TP53BP1: variants seen among roughly 807,000 people sequenced by gnomAD.
The protein encoded by TP53BP1 is tumor protein p53 binding protein 1.
A neutral mutation model predicts 200.8 loss-of-function variants in TP53BP1; 61 were observed. That is an observed-to-expected ratio of 0.30 (90% confidence interval 0.25 to 0.38). The LOEUF is 0.38. Among genes scored for constraint, TP53BP1 ranks in the 10% least tolerant of loss-of-function variants. TP53BP1 has a pLI of 1.00. For missense variants in TP53BP1, 2,144 were observed against 2,371.9 expected (o/e 0.90, Z 2.00); for synonymous variants, 822 against 844.3 (o/e 0.97, Z 0.46).
intron 9 of TP53BP1, 77 bp from the exon 10 acceptor site, chr15:43,474,844 A>G: frequency 9.8e-7 from 1 of 1,017,804 alleles, no homozygotes; most frequent in Non-Finnish European, 1.5e-6. Context: ...TTTACTTTTT[A>G]ACAGGAAAAA....
At chr15:43,492,523 C>A in intron 1 of TP53BP1, 55 bp from the exon 2 acceptor site, 1 of 1,443,504 alleles carries the variant, frequency 6.9e-7, no homozygotes, top group South Asian at 1.2e-5. Flanking sequence ...CTTGCTCACG[C>A]AGTCTAAACC....
At chr15:43,498,367 G>A (rs2079192185) in intron 1 of TP53BP1, among the ~76,000 whole-genome samples, 1 of 152,102 alleles carries the variant, frequency 6.6e-6, no homozygotes, top group South Asian at 2.1e-4. Flanking sequence ...TACCAGTAAG[G>A]GAACAAAAAG....
chr15:43,474,042 C>T (rs1406924627), intron 10 of TP53BP1, among the ~76,000 whole-genome samples: 2 of 152,344 alleles, frequency 1.3e-5, no homozygotes, highest in East Asian at 1.9e-4. Flanking sequence ...AAGTAAGGCC[C>T]GGCGAGAAAT....
rs1432260457 is a variant in TP53BP1 at position 43,403,510 on chromosome 15, A to G, written c.*3873T>C. 2 of 575,570 alleles carry G rather than the reference A, an allele frequency of 3.5e-6. No homozygotes were observed. The highest frequency in any genetic ancestry group is 6.2e-6 in the Non-Finnish European group (2 of 320,382). 35.7% of individuals were successfully genotyped at this position (575,570 alleles called of 1,614,324 possible). ...AGGAAAGGATGCATTTGTTTTACGC[A>G]TTTTGTGCGTCTGAGGGGCTGGCAG... On this transcript the variant is annotated 3_prime_UTR_variant, in exon 28 of 28. Coordinates refer to ENST00000382044, the MANE Select transcript of TP53BP1 (RefSeq NM_001141980.3).
intron 21 of TP53BP1, among the ~76,000 whole-genome samples, chr15:43,418,346 A>G (rs2045316300): frequency 6.6e-6 from 1 of 150,998 alleles, no homozygotes; most frequent in South Asian, 2.1e-4. Flanking sequence ...AAAAACACAA[A>G]AAAAAATTAG....
At chr15:43,417,563 C>T (rs1437932748) in intron 21 of TP53BP1, among the ~76,000 whole-genome samples, 1 of 152,190 alleles carries the variant, frequency 6.6e-6, no homozygotes, top group Non-Finnish European at 1.5e-5. Context: ...AGCAAACAGC[C>T]TCAAGAAATG....
chr15:43,472,129 GCTGC>G (rs1218196408), intron 10 of TP53BP1, among the ~76,000 whole-genome samples: 13 of 152,220 alleles, frequency 8.5e-5, no homozygotes, highest in Admixed American at 1.3e-4. Context: ...TCTGGAGGCA[GCTGC>G]CTGAGTTCAA....
At chr15:43,475,792 A>G (rs1595605709) in intron 8 of TP53BP1, 98 bp from the exon 9 acceptor site, 7 of 1,368,306 alleles carry the variant, frequency 5.1e-6, no homozygotes, top group African/African-American at 1.5e-5. Flanking sequence ...TATTTCCAAC[A>G]TATTTCCATA....
chr15:43,460,025 A>G (rs2046393513), intron 11 of TP53BP1, among the ~76,000 whole-genome samples: 1 of 152,182 alleles, frequency 6.6e-6, no homozygotes, highest in African/African-American at 2.4e-5. Flanking sequence ...ACTGCTCTCT[A>G]CTTTGATGGT....
chr15:43,502,197 C>G (rs192237176), intron 1 of TP53BP1, among the ~76,000 whole-genome samples: 5 of 152,106 alleles, frequency 3.3e-5, no homozygotes, highest in Non-Finnish European at 5.9e-5. Flanking sequence ...GTGGCACCAG[C>G]CTGTAGTACC....
chr15:43,438,399 G>C lies in TP53BP1; in HGVS notation c.3116C>G (p.Ser1039Cys). 3 of 1,612,128 alleles carry C rather than the reference G, an allele frequency of 1.9e-6. No individual in the cohort carries two copies. The highest frequency in any genetic ancestry group is 3.3e-4 in the Middle Eastern group (2 of 6,062). Residue 1039 changes from serine to cysteine, a missense_variant, in exon 16 of 28, where the codon TCT (serine) becomes TGT (cysteine). Around this residue, in one of 4 missense-constraint regions of TP53BP1, gnomAD observed 1,700 missense variants for 1,710.3 expected, o/e 0.99. Coordinates refer to ENST00000382044, the MANE Select transcript of TP53BP1 (RefSeq NM_001141980.3). Reference protein sequence around the residue: ...ESVASPQKTMSVLSCICEARQ... With the variant: ...ESVASPQKTMCVLSCICEARQ... ...GGCTTCACAGATACAGCTCAACACAGACATGGTCTTCTGGGGACTAAGACA... is the reference window on the plus strand; with the variant it reads ...GGCTTCACAGATACAGCTCAACACACACATGGTCTTCTGGGGACTAAGACA...
Position 43,407,158 on chromosome 15 carries a change from A to ATG in TP53BP1, c.*223_*224dup. The ATG allele has an allele frequency of 5.8e-6, 3 of 515,132 alleles. No individual in the cohort carries two copies. The South Asian group carries it at 7.4e-5, about 13-fold the overall frequency. 31.9% of individuals were successfully genotyped at this position (515,132 alleles called of 1,614,324 possible). The stretch of plus-strand genomic sequence containing the variant: ...TGTTGAAAGACTCAGAGAAAGTACT[A>ATG]TGTCTTGTCATTTGTTCTGAGATTA... On this transcript the variant is annotated 3_prime_UTR_variant, in exon 28 of 28. Transcript: ENST00000382044.
intron 15 of TP53BP1, among the ~76,000 whole-genome samples, chr15:43,438,726 G>A (rs1485885645): frequency 2.0e-5 from 1 of 49,366 alleles, no homozygotes; most frequent in Non-Finnish European, 2.9e-5. Flanking sequence ...GCAAGCAAGA[G>A]GCAAAAAAAA....
intron 16 of TP53BP1, among the ~76,000 whole-genome samples, chr15:43,437,572 G>A (rs996144240): frequency 6.7e-6 from 1 of 149,862 alleles, no homozygotes; most frequent in Non-Finnish European, 1.5e-5. Context: ...CCATGTTCAC[G>A]CCACTTCACT....
chr15:43,473,653 G>C (rs2046781460), intron 10 of TP53BP1, among the ~76,000 whole-genome samples: 1 of 151,674 alleles, frequency 6.6e-6, no homozygotes. Context: ...GTGTGGATTG[G>C]TGCATTCACA....
At chr15:43,493,208 C>A, upstream of TP53BP1, 1 of 1,466,694 alleles carries the variant, frequency 6.8e-7, no homozygotes, top group South Asian at 1.3e-5. Flanking sequence ...GCTGCCGCCG[C>A]CCGCCACTCA....
chr15:43,415,266 G>T, intron 23 of TP53BP1: 1 of 314,746 alleles, frequency 3.2e-6, no homozygotes, highest in Non-Finnish European at 6.2e-6. Flanking sequence ...GGAGTGCAAT[G>T]GTGCAATTTC....
intron 1 of TP53BP1, among the ~76,000 whole-genome samples, chr15:43,498,216 C>A (rs1044820499): frequency 6.6e-6 from 1 of 152,254 alleles, no homozygotes; most frequent in African/African-American, 2.4e-5. Flanking sequence ...TGCTAAAACT[C>A]ATAATATGGT....
chr15:43,407,827 T>G (rs2044963562), intron 27 of TP53BP1, 116 bp downstream of exon 27: 1 of 1,118,084 alleles, frequency 8.9e-7, no homozygotes, highest in Non-Finnish European at 1.3e-6. Flanking sequence ...TTTTCTTCTC[T>G]AAGAAACATG....
Sources: gnomAD v4.1 joint callset for allele counts (sites outside exome capture counted in the v4.1 genomes callset) on GRCh38, gnomAD v4.1.1 for gene constraint, gnomAD v4.1.1 regional missense constraint, MANE v1.5 for transcripts, NCBI Gene and HGNC (gene_info 2026-07-23, HGNC 2026-07-21) for gene names.